LRRFIP2: variants seen among roughly 807,000 people sequenced by gnomAD.
The protein encoded by LRRFIP2 is leucine-rich repeat flightless-interacting protein 2.
LRRFIP2 carries 109 observed loss-of-function variants against 125.9 expected under a neutral mutation model. That is an observed-to-expected ratio of 0.87 (90% confidence interval 0.74 to 1.01). The LOEUF is 1.01. Among genes scored for constraint, LRRFIP2 ranks in the 50% least tolerant of loss-of-function variants. The pLI, the probability that LRRFIP2 is intolerant of heterozygous loss-of-function variation, is 0.00. For synonymous variants in LRRFIP2, 291 were observed against 293.1 expected (o/e 0.99, Z 0.07); for missense variants, 850 against 862.3 (o/e 0.99, Z 0.18).
At chr3:37,092,847 T>TC (rs1192117619) in intron 17 of LRRFIP2, among the ~76,000 whole-genome samples, 2 of 150,580 alleles carry the variant, frequency 1.3e-5, no homozygotes, top group Non-Finnish European at 3.0e-5. Context: ...GACAATTTAT[T>TC]TTTTTTTTTG....
At chr3:37,108,733 T>C (rs2094441740) in intron 11 of LRRFIP2, 49 bp from the exon 12 acceptor site, 2 of 1,491,998 alleles carry the variant, frequency 1.3e-6, no homozygotes, top group Admixed American at 3.4e-5. Flanking sequence ...CAAGGTTGTT[T>C]TGAAAATGAC....
At chr3:37,083,077 C>A (rs1286337883) in intron 19 of LRRFIP2, among the ~76,000 whole-genome samples, 2 of 152,168 alleles carry the variant, frequency 1.3e-5, no homozygotes, top group African/African-American at 4.8e-5. Context: ...GAGAGCAAAT[C>A]TGGGCCTTGG....
At chr3:37,094,673 T>C in intron 17 of LRRFIP2, 119 bp downstream of exon 17, 1 of 669,434 alleles carries the variant, frequency 1.5e-6, no homozygotes, top group Non-Finnish European at 2.6e-6. Context: ...ACAGTACTTA[T>C]TTTTTAAAAA....
chr3:37,153,134 A>T (rs1240066132), intron 1 of LRRFIP2, among the ~76,000 whole-genome samples: 1 of 152,138 alleles, frequency 6.6e-6, no homozygotes, highest in Non-Finnish European at 1.5e-5. Context: ...GGTGGCTCAC[A>T]TCTAATAATC....
chr3:37,133,040 A>G (rs1174058149), intron 2 of LRRFIP2, among the ~76,000 whole-genome samples: 1 of 152,180 alleles, frequency 6.6e-6, no homozygotes, highest in African/African-American at 2.4e-5. Context: ...CCTGGTCAAC[A>G]TGGCGAAATC....
chr3:37,087,957 G>C (rs1160582169), intron 18 of LRRFIP2, among the ~76,000 whole-genome samples: 1 of 152,176 alleles, frequency 6.6e-6, no homozygotes, highest in African/African-American at 2.4e-5. Context: ...CATCTCCTGG[G>C]AACTGGGTAA....
chr3:37,091,872 A>G (rs1178922021), intron 17 of LRRFIP2, among the ~76,000 whole-genome samples: 1 of 152,238 alleles, frequency 6.6e-6, no homozygotes, highest in African/African-American at 2.4e-5. Flanking sequence ...ACAACTTTTA[A>G]TATTTTATAA....
chr3:37,101,648 G>A (rs1174829411), intron 15 of LRRFIP2, among the ~76,000 whole-genome samples: 1 of 146,104 alleles, frequency 6.8e-6, no homozygotes, highest in African/African-American at 2.6e-5. Context: ...CTGGACGATA[G>A]GTCTCAACCC....
chr3:37,152,160 T>C (rs1382076234), intron 1 of LRRFIP2, among the ~76,000 whole-genome samples: 1 of 152,224 alleles, frequency 6.6e-6, no homozygotes, highest in Admixed American at 6.5e-5. Context: ...TAATGTCTCT[T>C]GCAGTGACTT....
At chr3:37,090,255 G>A (rs1257510635) in intron 18 of LRRFIP2, among the ~76,000 whole-genome samples, 1 of 151,784 alleles carries the variant, frequency 6.6e-6, no homozygotes, top group Non-Finnish European at 1.5e-5. Flanking sequence ...TTGAGACAGA[G>A]TCTCGCTCCG....
chr3:37,074,853 G>A (rs908922533), intron 20 of LRRFIP2, among the ~76,000 whole-genome samples, 171 bp downstream of exon 20: 8 of 152,182 alleles, frequency 5.3e-5, no homozygotes, highest in African/African-American at 1.9e-4. Context: ...AGGATTTATA[G>A]TATTAATTTT....
At chr3:37,167,935 CATTGCA>C (rs1460285521) in intron 1 of LRRFIP2, among the ~76,000 whole-genome samples, 2 of 152,118 alleles carry the variant, frequency 1.3e-5, no homozygotes, top group Non-Finnish European at 2.9e-5. Flanking sequence ...GTGGTCGGGC[CATTGCA>C]TTCCAGTCTT....
At chr3:37,152,125 T>G (rs943910557) in intron 1 of LRRFIP2, among the ~76,000 whole-genome samples, 8 of 152,200 alleles carry the variant, frequency 5.3e-5, no homozygotes, top group African/African-American at 1.9e-4. Flanking sequence ...CATGTAATAC[T>G]ACTCAGCCAT....
In LRRFIP2 at chr3:37,105,461, C is replaced by G; in HGVS notation, c.777G>C (p.Glu259Asp). 6.2e-7 allele frequency: 1 copy of G among 1,613,798 alleles called. No individual in the cohort carries two copies. Among genetic ancestry groups the G allele is most frequent in the Admixed American group, 1.7e-5 (1 of 60,022 alleles). Residue 259 changes from glutamate to aspartate, a missense_variant, in exon 14 of 28, where the codon GAG (glutamate) becomes GAC (aspartate). By Grantham distance (45) the Glu-to-Asp change is conservative. Coordinates refer to ENST00000336686, the MANE Select transcript of LRRFIP2 (RefSeq NM_006309.4). The part of the protein sequence containing the change: ...SSDRASRGRR[E>D]SVVSAADYFS... Reference sequence around the variant, plus strand: ...GCATGCAAATCATGCTCACCACACTCTCCCTTCGTCCACGACTGGCACGAT... The same window carrying G: ...GCATGCAAATCATGCTCACCACACTGTCCCTTCGTCCACGACTGGCACGAT...
In LRRFIP2 at chr3:37,164,113, C is replaced by T. The variant is rs566524116; in HGVS notation, c.-56+10426G>A. ...TGAAGACTCTTGAAAAATCTGTTGG[C>T]GCATTTAGGGGGAAAGCAACAGGTA... On this transcript the variant is annotated intron_variant, in intron 1 of 27. Transcript: ENST00000336686. 8.0e-4 allele frequency among the ~76,000 whole-genome samples: 121 copies of T among 151,952 alleles called. 1 individual carries two copies. In the Middle Eastern group the frequency reaches 0.02, roughly 26 times the overall value.
intron 1 of LRRFIP2, among the ~76,000 whole-genome samples, chr3:37,156,451 ATCATGAGG>A (rs1051412442): frequency 8.9e-4 from 135 of 151,852 alleles, no homozygotes; most frequent in African/African-American, 3.1e-3. Context: ...AGGCTGGCAG[ATCATGAGG>A]TCAGGAGATC....
In LRRFIP2 at chr3:37,053,834, G is replaced by T. The variant is rs780018976; in HGVS notation, c.*17C>A. On this transcript the variant is annotated 3_prime_UTR_variant, in exon 28 of 28. Transcript: ENST00000336686. The stretch of plus-strand genomic sequence containing the variant: ...TAGGGCCCCAAGGAGCATCACCCAG[G>T]TTGAAGGGTGGTTTTCCTACTGCTG... 1.3e-6 allele frequency: 2 copies of T among 1,564,260 alleles called. No individual in the cohort carries two copies. The highest frequency in any genetic ancestry group is 3.3e-5 in the Admixed American group (2 of 59,972).
chr3:37,169,415 G>T (rs1290243321), intron 1 of LRRFIP2, among the ~76,000 whole-genome samples: 1 of 151,988 alleles, frequency 6.6e-6, no homozygotes, highest in Non-Finnish European at 1.5e-5. Context: ...TGTGACAAGG[G>T]AAAAAACATC....
rs2094276502 is a variant in LRRFIP2 at position 37,105,533 on chromosome 3, T to C, written c.715-10A>G. Reference sequence around the variant, plus strand: ...TGTCATCGTTGGTAAACTATAGATATTAAATGCAGATAATGAAAAAGATGC... The same window carrying C: ...TGTCATCGTTGGTAAACTATAGATACTAAATGCAGATAATGAAAAAGATGC... On this transcript the variant is annotated splice_polypyrimidine_tract_variant and intron_variant, in intron 13 of 27. Transcript: ENST00000336686. 1.2e-6 allele frequency: 2 copies of C among 1,608,666 alleles called. No individual in the cohort carries two copies. Among genetic ancestry groups the C allele is most frequent in the African/African-American group, 2.7e-5 (2 of 74,942 alleles).
Sources: allele counts gnomAD v4.1 joint callset (sites outside exome capture counted in the v4.1 genomes callset), GRCh38; gene constraint gnomAD v4.1.1; transcripts MANE v1.5; gene names NCBI Gene and HGNC (gene_info 2026-07-23, HGNC 2026-07-21).